Variants in AGBL1 observed in about 807,000 individuals in gnomAD.
AGBL1 encodes cytosolic carboxypeptidase 4.
In AGBL1, 130 loss-of-function variants were observed where a neutral mutation model predicts 118.9. The ratio of observed to expected loss-of-function variants is 1.09; its 90% confidence interval spans 0.95 to 1.26. The LOEUF (loss-of-function observed/expected upper bound fraction) is 1.26, where lower values mean the gene tolerates loss of function less well. Among genes scored for constraint, AGBL1 ranks in the 50% most tolerant of loss-of-function variants. The pLI is 0.00. For synonymous variants in AGBL1, 555 were observed against 478.9 expected, an observed-to-expected ratio of 1.16 and a Z score of -2.08; for missense variants, 1,584 against 1,298.1, an observed-to-expected ratio of 1.22 and a Z score of -3.38.
chr15:86,696,242 T>C (rs1426061606), intron 22 of AGBL1, among the ~76,000 whole-genome samples: 1 of 151,972 alleles, frequency 6.6e-6, no homozygotes, highest in Non-Finnish European at 1.5e-5. Context: ...GTAGTAACTG[T>C]TTTATAAATT....
chr15:86,628,199 A>G lies in AGBL1; in HGVS notation c.2995-46074A>G, dbSNP rs182825254. Among the ~76,000 whole-genome samples the G allele has an allele frequency of 1.9e-3, 295 of 152,282 alleles. 1 individual carries two copies. The highest frequency in any genetic ancestry group is 6.7e-3 in the African/African-American group (279 of 41,556). ...ACCCCTAGAGTTTTCGATTTGTAAT[A>G]ATAGGTCTGAAGTGAAGCCCCCGCA... On this transcript the variant is annotated intron_variant, in intron 21 of 22. Transcript: ENST00000614907.
intron 20 of AGBL1, among the ~76,000 whole-genome samples, chr15:86,548,663 G>GCACACACACACACA (rs61362688): frequency 5.6e-5 from 8 of 142,692 alleles, no homozygotes; most frequent in African/African-American, 2.1e-4. Context: ...ACACATGCAC[G>GCACACACACACACA]CACACACACA....
intron 23 of AGBL1, among the ~76,000 whole-genome samples, chr15:86,951,040 G>T (rs1489858552): frequency 6.6e-6 from 1 of 152,056 alleles, no homozygotes; most frequent in Non-Finnish European, 1.5e-5. Flanking sequence ...CCTCAAACTG[G>T]GTGCCTTCTT....
chr15:86,703,732 G>A (rs2086399341), intron 22 of AGBL1, among the ~76,000 whole-genome samples: 1 of 152,122 alleles, frequency 6.6e-6, no homozygotes, highest in South Asian at 2.1e-4. Context: ...CTCTGCACAT[G>A]CTCTCTTGCC....
chr15:87,029,147 G>C (rs150784166), downstream of AGBL1: 75 of 255,124 alleles, frequency 2.9e-4, 1 homozygote, highest in East Asian at 4.8e-3. Context: ...GAATCGCAAA[G>C]GTACTTCACA....
intron 21 of AGBL1, among the ~76,000 whole-genome samples, chr15:86,624,117 T>C (rs2084850262): frequency 6.6e-6 from 1 of 152,194 alleles, no homozygotes; most frequent in African/African-American, 2.4e-5. Context: ...CACACACATG[T>C]GTGAATAGCA....
chr15:86,852,838 C>G (rs1338535216), intron 22 of AGBL1, among the ~76,000 whole-genome samples: 4 of 152,184 alleles, frequency 2.6e-5, no homozygotes, highest in African/African-American at 7.2e-5. Flanking sequence ...AGCAGTGGCT[C>G]TCAGGCCTGG....
chr15:86,877,618 G>T (rs1043352265), intron 22 of AGBL1, among the ~76,000 whole-genome samples: 5 of 152,140 alleles, frequency 3.3e-5, no homozygotes, highest in Non-Finnish European at 7.3e-5. Flanking sequence ...AGTCCAGTTA[G>T]AACTTTGCCA....
intron 1 of AGBL1, among the ~76,000 whole-genome samples, chr15:86,087,543 T>C (rs1567045553): frequency 1.3e-5 from 2 of 152,184 alleles, no homozygotes; most frequent in African/African-American, 2.4e-5. Context: ...TGGCCAGAGC[T>C]GGTCTGGAAC....
chr15:86,181,435 AT>A (rs1377881855), intron 5 of AGBL1, among the ~76,000 whole-genome samples: 2 of 152,132 alleles, frequency 1.3e-5, no homozygotes, highest in Non-Finnish European at 2.9e-5. Context: ...GTATTATACC[AT>A]TGTATTAAAT....
chr15:86,540,933 T>C lies in AGBL1; in HGVS notation c.2686-5069T>C, dbSNP rs2083486955. 2.0e-5 allele frequency among the ~76,000 whole-genome samples: 3 copies of C among 152,190 alleles called. 1 individual carries two copies. The South Asian group carries it at 6.2e-4, about 32-fold the overall frequency. ...GCTCTATAATTTGTCGTTTACTTCC[T>C]TTTTCAGAGTCTGTAAGGATCAGGG... On this transcript the variant is annotated intron_variant, in intron 19 of 22. Transcript: ENST00000614907.
chr15:86,267,799 G>A (rs1034955503), intron 13 of AGBL1, among the ~76,000 whole-genome samples: 1 of 152,100 alleles, frequency 6.6e-6, no homozygotes, highest in African/African-American at 2.4e-5. Context: ...TATACCAAAA[G>A]GCAAGATACA....
rs188800205 is a variant in AGBL1 at position 86,637,047 on chromosome 15, A to T, written c.2995-37226A>T. Among the ~76,000 whole-genome samples the T allele has an allele frequency of 2.6e-5, 4 of 152,072 alleles. No individual in the cohort carries two copies. In the East Asian group the frequency reaches 7.8e-4, roughly 30 times the overall value. ...GCTGGGTGACAAGCAGACATAAAGA[A>T]CTGTGAAAATTCTGAAGTATGGGAG... On this transcript the variant is annotated intron_variant, in intron 21 of 22. Transcript: ENST00000614907.
chr15:86,178,506 G>A (rs1401981422), intron 5 of AGBL1, among the ~76,000 whole-genome samples: 1 of 152,162 alleles, frequency 6.6e-6, no homozygotes. Flanking sequence ...AAAATTTCTT[G>A]AGAGACATAA....
Position 86,416,245 on chromosome 15 carries a change from G to C in AGBL1, c.2555+18699G>C, listed in dbSNP as rs1258064231. Among the ~76,000 whole-genome samples, 5 of 152,298 alleles carry C rather than the reference G, an allele frequency of 3.3e-5. No individual in the cohort carries two copies. The East Asian group carries it at 9.6e-4, about 29-fold the overall frequency. ...ATTTTGACATGACCTAAAGGGAACTGTATTCATGGAAAAGATGGCCTATTC... is the reference window on the plus strand; with the variant it reads ...ATTTTGACATGACCTAAAGGGAACTCTATTCATGGAAAAGATGGCCTATTC... On this transcript the variant is annotated intron_variant, in intron 18 of 22. Coordinates refer to ENST00000614907, the MANE Select transcript of AGBL1 (RefSeq NM_001386094.1).
chr15:87,023,718 A>T (rs190762344), intron 24 of AGBL1, among the ~76,000 whole-genome samples: 26 of 152,224 alleles, frequency 1.7e-4, no homozygotes, highest in Admixed American at 6.5e-4. Flanking sequence ...TCTTCAAGAA[A>T]GACCATATGA....
chr15:86,346,194 G>C (rs2080533928), intron 17 of AGBL1, among the ~76,000 whole-genome samples: 2 of 151,952 alleles, frequency 1.3e-5, no homozygotes, highest in Non-Finnish European at 2.9e-5. Context: ...CGTTGGCCAG[G>C]CTGATCTTGA....
chr15:86,918,622 G>A (rs577563357), downstream of AGBL1, among the ~76,000 whole-genome samples: 13 of 151,798 alleles, frequency 8.6e-5, no homozygotes, highest in African/African-American at 2.4e-4. Flanking sequence ...TCTCCCCCAC[G>A]TACCTATTAA....
chr15:86,098,108 T>C (rs1020043841), intron 1 of AGBL1, among the ~76,000 whole-genome samples: 1 of 152,188 alleles, frequency 6.6e-6, no homozygotes, highest in Non-Finnish European at 1.5e-5. Context: ...TGACCATTTG[T>C]ATGTCTTATT....
Sources: allele counts gnomAD v4.1 joint callset (sites outside exome capture counted in the v4.1 genomes callset), GRCh38; gene constraint gnomAD v4.1.1; transcripts MANE v1.5; gene names NCBI Gene and HGNC (gene_info 2026-07-23, HGNC 2026-07-21).